Variants in BOLL observed in about 807,000 individuals in gnomAD.
BOLL encodes the protein boule RNA binding protein.
In BOLL, 23 loss-of-function variants were observed where a neutral mutation model predicts 44.4. That is an observed-to-expected ratio of 0.52 (90% confidence interval 0.37 to 0.73). The LOEUF is 0.73. BOLL is among the 30% of genes least tolerant of loss of function. The pLI is 0.00. For missense variants in BOLL, 287 were observed against 338.3 expected (o/e 0.85, Z 1.19); for synonymous variants, 97 against 110.8 (o/e 0.88, Z 0.78).
chr2:197,756,527 G>A lies in BOLL; in HGVS notation c.630C>T (p.Tyr210=). 6.2e-7 allele frequency: 1 copy of A among 1,611,294 alleles called. No homozygotes were observed. Among genetic ancestry groups the A allele is most frequent in the East Asian group, 2.2e-5 (1 of 44,730 alleles). The change falls in exon 9 of 11, where the codon TAC becomes TAT. Residue 210 remains tyrosine (Y), a synonymous_variant. Transcript: ENST00000392296. The part of the protein sequence containing the change: ...QPSASSAPFL[Y]LQPSEVIYQP... ...GATAAATAACCTCAGAAGGTTGCAG[G>A]TATAAGAATGGAGCAGAAGAGGCAG... is the stretch of plus-strand genomic sequence containing the variant.
At chr2:197,767,702 C>T (rs1689057041) in intron 6 of BOLL, among the ~76,000 whole-genome samples, 1 of 151,904 alleles carries the variant, frequency 6.6e-6, no homozygotes, top group Non-Finnish European at 1.5e-5. Context: ...TACTTCTAAA[C>T]ATCCTACAGT....
intron 9 of BOLL, among the ~76,000 whole-genome samples, chr2:197,749,562 AC>A (rs947549184): frequency 1.3e-5 from 2 of 151,984 alleles, no homozygotes; most frequent in Non-Finnish European, 2.9e-5. Context: ...GAACTGAAAA[AC>A]ACAGCACGAG....
chr2:197,760,311 C>G (rs1265910502), intron 7 of BOLL, among the ~76,000 whole-genome samples: 1 of 152,218 alleles, frequency 6.6e-6, no homozygotes, highest in Non-Finnish European at 1.5e-5. Flanking sequence ...GGAGAAACAG[C>G]CCCTGACAAA....
upstream of BOLL, chr2:197,786,154 C>T: frequency 1.7e-6 from 2 of 1,202,484 alleles, no homozygotes; most frequent in Non-Finnish European, 2.2e-6. The surrounding 1 kb of genome is among the most constrained non-coding windows in gnomAD (Gnocchi z 5.9). Context: ...GGGAAGCAGG[C>T]TCGGACCCCG....
At chr2:197,781,036 CTTTTATT>C (rs1689753151) in intron 2 of BOLL, among the ~76,000 whole-genome samples, 1 of 151,964 alleles carries the variant, frequency 6.6e-6, no homozygotes, top group Admixed American at 6.6e-5. Context: ...TTTTAAAAAA[CTTTTATT>C]TTAAGTTCGG....
intron 10 of BOLL, among the ~76,000 whole-genome samples, chr2:197,729,592 T>C (rs1266708336): frequency 7.2e-4 from 110 of 152,138 alleles, no homozygotes; most frequent in Middle Eastern, 3.4e-3. Context: ...AGCAGTGGTT[T>C]TCCCAGCATG....
At chr2:197,753,031 C>A (rs1249683208) in intron 9 of BOLL, among the ~76,000 whole-genome samples, 3 of 152,132 alleles carry the variant, frequency 2.0e-5, no homozygotes, top group African/African-American at 7.2e-5. Context: ...TTTGACAAAC[C>A]TGACTAAAAC....
intron 6 of BOLL, among the ~76,000 whole-genome samples, chr2:197,768,872 G>A (rs182883467): frequency 6.7e-6 from 1 of 150,098 alleles, no homozygotes; most frequent in African/African-American, 2.5e-5. Flanking sequence ...TAGCATGAAG[G>A]GCTGTTGAAT....
rs1178683379 is a variant in BOLL at position 197,728,523 on chromosome 2, C to G, written c.*32G>C. 5 of 1,614,044 alleles carry G rather than the reference C, an allele frequency of 3.1e-6. No homozygotes were observed. In the East Asian group the frequency reaches 8.9e-5, roughly 29 times the overall value. On this transcript the variant is annotated 3_prime_UTR_variant, in exon 11 of 11. Coordinates refer to ENST00000392296, the MANE Select transcript of BOLL (RefSeq NM_033030.6). ...ACGCAAGGATCATTGGACAAGAAAT[C>G]AGTTGAGCTGGAATAGAGCTGCCCA...
At chr2:197,784,808 T>C (rs1006460258) in intron 1 of BOLL, 3 of 987,554 alleles carry the variant, frequency 3.0e-6, no homozygotes, top group Non-Finnish European at 3.6e-6. Context: ...TAGCGATGCA[T>C]TGAGTTAAAC....
chr2:197,774,239 T>G (rs144004806), intron 5 of BOLL: 1 of 199,960 alleles, frequency 5.0e-6, no homozygotes, highest in East Asian at 1.8e-4. Context: ...AACAATATGA[T>G]ATTATGGAAC....
chr2:197,748,322 G>A (rs955921200), intron 9 of BOLL, among the ~76,000 whole-genome samples: 3 of 152,198 alleles, frequency 2.0e-5, no homozygotes, highest in African/African-American at 4.8e-5. Context: ...GGCAGACACC[G>A]AGCTAGCTAC....
At chr2:197,749,469 A>G (rs1688138085) in intron 9 of BOLL, among the ~76,000 whole-genome samples, 1 of 152,134 alleles carries the variant, frequency 6.6e-6, no homozygotes, top group Admixed American at 6.5e-5. Flanking sequence ...ACCCAGTGCA[A>G]GGAAGCTAAG....
At chr2:197,784,391 CATATATATATATATATAT>C (rs60865376) in intron 1 of BOLL, among the ~76,000 whole-genome samples, 2,410 of 54,916 alleles carry the variant, frequency 0.044, 68 homozygotes, top group Middle Eastern at 0.057. Flanking sequence ...CAGTCTAATA[CATATATATATATATATAT>C]ATATATATAT....
chr2:197,775,601 G>T, intron 5 of BOLL, 64 bp downstream of exon 5: 1 of 1,041,748 alleles, frequency 9.6e-7, no homozygotes, highest in East Asian at 2.7e-5. Flanking sequence ...TCTATAAAAA[G>T]TCTTATATTT....
Position 197,728,393 on chromosome 2 carries a change from T to C in BOLL, c.*162A>G. On this transcript the variant is annotated 3_prime_UTR_variant, in exon 11 of 11. Coordinates refer to ENST00000392296, the MANE Select transcript of BOLL (RefSeq NM_033030.6). ...AGCTGAAAAAGCAAATTTCATCAAA[T>C]TTAGACAGCTTATAGTGGAATAACT... 8.5e-7 allele frequency: 1 copy of C among 1,172,878 alleles called. No individual in the cohort carries two copies. The allele number at this position is 1,172,878 out of a possible 1,614,324, so 72.7% of individuals were successfully genotyped here. A position where few individuals can be genotyped will look rare whatever the true frequency, so the allele number is the denominator to read the frequency against.
intron 9 of BOLL, among the ~76,000 whole-genome samples, chr2:197,750,713 C>T (rs1055078920): frequency 1.3e-5 from 2 of 152,112 alleles, no homozygotes; most frequent in Non-Finnish European, 2.9e-5. Context: ...CTTTAACACC[C>T]CACTGTCAAT....
rs559145182 is a variant in BOLL at position 197,784,985 on chromosome 2, C to T, written c.-16+71G>A. ...AAGCAATGTGCCCTCACTGGCCCCT[C>T]CCCTTGAGAATCAACCTCGAGATCT... is the stretch of plus-strand genomic sequence containing the variant. On this transcript the variant is annotated intron_variant, in intron 1 of 10. Transcript: ENST00000392296. The T allele has an allele frequency of 1.2e-5, 12 of 985,982 alleles. No individual in the cohort carries two copies. The Admixed American group carries it at 6.1e-4, about 50-fold the overall frequency. The allele number at this position is 985,982 out of a possible 1,614,324, so 61.1% of individuals were successfully genotyped here.
Position 197,728,424 on chromosome 2 carries a change from T to C in BOLL, c.*131A>G, listed in dbSNP as rs1483828402. The stretch of plus-strand genomic sequence containing the variant: ...CAGCTTATAGTGGAATAACTGAGTA[T>C]GGTGAGGTATTAACTAACACTAAGT... On this transcript the variant is annotated 3_prime_UTR_variant, in exon 11 of 11. Coordinates refer to ENST00000392296, the MANE Select transcript of BOLL (RefSeq NM_033030.6). 3 of 1,383,128 alleles carry C rather than the reference T, an allele frequency of 2.2e-6. No homozygotes were observed. The Admixed American group carries it at 5.6e-5, about 26-fold the overall frequency. The allele number at this position is 1,383,128 out of a possible 1,614,324, so 85.7% of individuals were successfully genotyped here.
Sources: gnomAD v4.1 joint callset for allele counts (sites outside exome capture counted in the v4.1 genomes callset) on GRCh38, gnomAD v4.1.1 for gene constraint, Gnocchi (gnomAD v3.1) non-coding constraint, MANE v1.5 for transcripts, NCBI Gene and HGNC (gene_info 2026-07-23, HGNC 2026-07-21) for gene names.